MACF1: variants seen among roughly 807,000 people sequenced by gnomAD.
MACF1 encodes the protein microtubule-actin cross-linking factor 1.
A neutral mutation model predicts 854.8 loss-of-function variants in MACF1; 193 were observed. The observed-to-expected ratio is 0.23, with a 90% confidence interval of 0.20 to 0.25. The LOEUF is 0.25. MACF1 is among the 10% of genes least tolerant of loss of function. The probability of loss-of-function intolerance (pLI) is 1.00; values close to 1 mark genes in which losing one functional copy is unlikely to be tolerated. For synonymous variants in MACF1, 3,185 were observed against 3,226.7 expected (o/e 0.99, Z 0.44); for missense variants, 7,722 against 8,929.1 (o/e 0.86, Z 5.45).
chr1:39,172,400 G>A (rs1024107837), intron 2 of MACF1, among the ~76,000 whole-genome samples: 1 of 152,078 alleles, frequency 6.6e-6, no homozygotes, highest in African/African-American at 2.4e-5. Context: ...TTTGAAACTT[G>A]CTCATGGGTT....
chr1:39,292,086 G>A (rs748408176), intron 16 of MACF1, 48 bp downstream of exon 16: 4 of 1,604,928 alleles, frequency 2.5e-6, no homozygotes, highest in Middle Eastern at 3.3e-4. Context: ...TGGTTGGAAC[G>A]GATGAAAGGA....
intron 86 of MACF1, 50 bp downstream of exon 86, chr1:39,452,400 A>T: frequency 6.5e-7 from 1 of 1,536,208 alleles, no homozygotes; most frequent in Non-Finnish European, 8.8e-7. Context: ...GAGTGGGTTT[A>T]TTTGGTTTTT....
chr1:39,163,428 G>T (rs994509741), intron 2 of MACF1, among the ~76,000 whole-genome samples: 1 of 150,724 alleles, frequency 6.6e-6, no homozygotes, highest in Non-Finnish European at 1.5e-5. Flanking sequence ...GTCAAAAGAT[G>T]ATATTACCCA....
chr1:39,464,926 AT>A, intron 94 of MACF1, 168 bp from the exon 95 acceptor site: 19 of 607,362 alleles, frequency 3.1e-5, no homozygotes, highest in South Asian at 5.9e-5. Context: ...AAAAAAAAAA[AT>A]TAAAACCACA....
At chr1:39,322,310 G>T (rs1434745690) in intron 31 of MACF1, among the ~76,000 whole-genome samples, 2 of 152,082 alleles carry the variant, frequency 1.3e-5, no homozygotes, top group Non-Finnish European at 2.9e-5. Flanking sequence ...AAAATCAAAA[G>T]AATAATATTT....
intron 62 of MACF1, 89 bp from the exon 63 acceptor site, chr1:39,427,872 A>C: frequency 9.0e-7 from 1 of 1,109,148 alleles, no homozygotes; most frequent in Non-Finnish European, 1.3e-6. Context: ...TAATTGTTTA[A>C]TTTGTTGTAT....
intron 6 of MACF1, among the ~76,000 whole-genome samples, chr1:39,265,996 G>A (rs1012624024): frequency 1.9e-4 from 29 of 152,288 alleles, no homozygotes; most frequent in African/African-American, 7.0e-4. Context: ...TAACTTATGA[G>A]CTGGGAAGTT....
At chr1:39,300,079 C>A in intron 21 of MACF1, 131 bp from the exon 22 acceptor site, 1 of 881,976 alleles carries the variant, frequency 1.1e-6, no homozygotes, top group Non-Finnish European at 1.7e-6. Context: ...TTTAAGATGG[C>A]TCCACCAACC....
chr1:39,124,183 GC>G (rs1642803600), intron 2 of MACF1, among the ~76,000 whole-genome samples: 2 of 152,112 alleles, frequency 1.3e-5, no homozygotes, highest in Admixed American at 6.5e-5. Context: ...ACCATGCCAG[GC>G]CCCCAGGTGG....
chr1:39,161,984 G>C (rs1226796784), intron 2 of MACF1, among the ~76,000 whole-genome samples: 1 of 151,858 alleles, frequency 6.6e-6, no homozygotes, highest in African/African-American at 2.4e-5. Context: ...GATTACTTCA[G>C]CTGGGGGTTT....
In MACF1 at chr1:39,334,292, A is replaced by G; in HGVS notation, c.7704A>G (p.Ser2568=). The change falls in exon 37 of 101, where the codon TCA becomes TCG. Residue 2568 remains serine, a synonymous_variant. Transcript: ENST00000564288. ...PKAIKLDLIT[S]DLKREIQEVQ... Reference sequence around the variant, plus strand: ...CCATAAAATTAGATCTTATTACCTCAGACCTGAAAAGAGAAATCCAGGAGG... The same window carrying G: ...CCATAAAATTAGATCTTATTACCTCGGACCTGAAAAGAGAAATCCAGGAGG... The G allele has an allele frequency of 6.2e-7, 1 of 1,614,068 alleles. No homozygotes were observed. Among genetic ancestry groups the G allele is most frequent in the African/African-American group, 1.3e-5 (1 of 75,038 alleles).
intron 99 of MACF1, among the ~76,000 whole-genome samples, chr1:39,483,944 G>A (rs1015719402): frequency 6.6e-6 from 1 of 152,202 alleles, no homozygotes; most frequent in Non-Finnish European, 1.5e-5. Context: ...AAGGTCAGGA[G>A]ATCGAGACCA....
chr1:39,380,102 A>G (rs1650047284), intron 54 of MACF1, 142 bp from the exon 55 acceptor site: 1 of 738,044 alleles, frequency 1.4e-6, no homozygotes, highest in Non-Finnish European at 2.2e-6. Flanking sequence ...AGGGTTAAGT[A>G]TCTTAACACC....
intron 6 of MACF1, among the ~76,000 whole-genome samples, chr1:39,277,466 A>G (rs1430799078): frequency 2.0e-5 from 3 of 152,178 alleles, no homozygotes; most frequent in Non-Finnish European, 4.4e-5. Flanking sequence ...TAAATTTCTA[A>G]AAGTTTGGGT....
chr1:39,448,322 A>G (rs1302598416), intron 83 of MACF1, among the ~76,000 whole-genome samples, 170 bp downstream of exon 83: 1 of 152,210 alleles, frequency 6.6e-6, no homozygotes, highest in Non-Finnish European at 1.5e-5. Flanking sequence ...TAATCATGAT[A>G]TTTGCTCATT....
chr1:39,303,118 T>G (rs1279037075), intron 23 of MACF1, 40 bp downstream of exon 23: 25 of 1,602,620 alleles, frequency 1.6e-5, no homozygotes, highest in Non-Finnish European at 2.0e-5. Context: ...CCACCTCTGC[T>G]GTTGGCCTCG....
intron 1 of MACF1, among the ~76,000 whole-genome samples, chr1:39,218,034 T>C (rs1644599314): frequency 1.3e-5 from 2 of 151,514 alleles, no homozygotes; most frequent in Admixed American, 1.3e-4. Flanking sequence ...ATACAAAAAA[T>C]TAGCTGGGCA....
chr1:39,422,267 G>A (rs894971992), intron 58 of MACF1, 107 bp from the exon 59 acceptor site: 1 of 795,782 alleles, frequency 1.3e-6, no homozygotes, highest in African/African-American at 1.7e-5. Flanking sequence ...TTTATTCCTG[G>A]TCGTCTTTCA....
chr1:39,364,373 G>GC (rs1648487035), intron 49 of MACF1, among the ~76,000 whole-genome samples: 1 of 145,214 alleles, frequency 6.9e-6, no homozygotes, highest in South Asian at 2.2e-4. Flanking sequence ...AATTTTTAAA[G>GC]TTTTTTTTTT....
Sources: allele counts gnomAD v4.1 joint callset (sites outside exome capture counted in the v4.1 genomes callset), GRCh38; gene constraint gnomAD v4.1.1; transcripts MANE v1.5; gene names NCBI Gene and HGNC (gene_info 2026-07-23, HGNC 2026-07-21).